The following ZNF420 variants were observed in gnomAD, a reference collection of about 807,000 sequenced individuals.
The protein encoded by ZNF420 is zinc finger protein 420.
Under a neutral mutation model 44.7 loss-of-function variants are expected in ZNF420, and 31 were observed. The observed-to-expected ratio is 0.69, with a 90% CI of 0.52 to 0.94. The LOEUF (loss-of-function observed/expected upper bound fraction) is 0.94, where lower values mean the gene tolerates loss of function less well. Among genes scored for constraint, ZNF420 ranks in the 40% least tolerant of loss-of-function variants. The probability of loss-of-function intolerance (pLI) is 0.00; values close to 1 mark genes in which losing one functional copy is unlikely to be tolerated. For missense variants in ZNF420, 681 were observed against 827.9 expected (o/e 0.82, Z 2.18); for synonymous variants, 245 against 267.4 (o/e 0.92, Z 0.82).
At chr19:37,096,276 CT>C (rs1969449678) in intron 4 of ZNF420, among the ~76,000 whole-genome samples, 2 of 150,786 alleles carry the variant, frequency 1.3e-5, no homozygotes, top group African/African-American at 4.9e-5. Context: ...TTATCTTATA[CT>C]TTCATATATT....
chr19:37,015,754 C>G (rs984563387), intron 1 of ZNF420, among the ~76,000 whole-genome samples: 15 of 152,162 alleles, frequency 9.9e-5, no homozygotes, highest in Admixed American at 1.3e-4. Context: ...TGGCCTGGTG[C>G]TGGTGGAAGA....
intron 4 of ZNF420, among the ~76,000 whole-genome samples, chr19:37,124,550 C>T (rs985848069): frequency 6.6e-6 from 1 of 152,208 alleles, no homozygotes; most frequent in Middle Eastern, 3.2e-3. Context: ...CAGTGTTTTG[C>T]ACTCTCAGCA....
At chr19:37,013,453 C>G (rs977094180) in intron 1 of ZNF420, among the ~76,000 whole-genome samples, 1 of 152,168 alleles carries the variant, frequency 6.6e-6, no homozygotes, top group African/African-American at 2.4e-5. Flanking sequence ...TTTTGCCTGA[C>G]CTCTCAACGT....
intron 4 of ZNF420, among the ~76,000 whole-genome samples, chr19:37,122,831 G>A (rs1268348675): frequency 6.6e-6 from 1 of 151,984 alleles, no homozygotes; most frequent in Non-Finnish European, 1.5e-5. Flanking sequence ...ATCAAATCTT[G>A]TAGCTTTAAA....
At position 37,127,128 on chromosome 19, in the gene ZNF420, A is replaced by T; in HGVS notation, c.137A>T (p.Asp46Val). 1 of 1,460,444 alleles carries T rather than the reference A, an allele frequency of 6.8e-7. No individual in the cohort carries two copies. Among genetic ancestry groups the T allele is most frequent in the Non-Finnish European group, 9.1e-7 (1 of 1,104,186 alleles). 90.5% of individuals were successfully genotyped at this position (1,460,444 alleles called of 1,614,324 possible). Reference sequence around the variant, plus strand: ...TTTTTTATTCTCTCTTATCTTTCAGACTTGCCTTCAAGGTGTGCAAGTAAG... The same window carrying T: ...TTTTTTATTCTCTCTTATCTTTCAGTCTTGCCTTCAAGGTGTGCAAGTAAG... ...LENYSNLVSL[D>V]LPSRCASKDL... Residue 46 changes from aspartate (D) to valine (V), a missense_variant and splice_region_variant, in exon 5 of 5, where the codon GAC becomes GTC. This residue lies in a region of ZNF420 where 350 missense variants were observed against 382.5 expected (regional missense o/e 0.92). Coordinates refer to ENST00000337995, the MANE Select transcript of ZNF420 (RefSeq NM_144689.5).
intron 1 of ZNF420, among the ~76,000 whole-genome samples, chr19:37,047,875 A>G (rs1271340181): frequency 6.6e-6 from 1 of 152,144 alleles, no homozygotes; most frequent in Non-Finnish European, 1.5e-5. Flanking sequence ...TGTGGGATTG[A>G]TTTTTAATGT....
chr19:37,038,744 G>A (rs2146407015), intron 1 of ZNF420, among the ~76,000 whole-genome samples: 1 of 152,164 alleles, frequency 6.6e-6, no homozygotes, highest in Middle Eastern at 3.4e-3. Flanking sequence ...TCTGAGCTTG[G>A]GAGTTCGAGA....
At chr19:37,079,537 A>G (rs755755441) in intron 1 of ZNF420, among the ~76,000 whole-genome samples, 4 of 152,106 alleles carry the variant, frequency 2.6e-5, no homozygotes, top group Non-Finnish European at 5.9e-5. Flanking sequence ...TGGGAAATGT[A>G]GTTACTTACG....
rs1481178027 is a variant in ZNF420, at chr19:37,107,698, AAC to A, written c.136+16579_136+16580del. On this transcript the variant is annotated intron_variant, in intron 4 of 4. Transcript: ENST00000337995. The stretch of plus-strand genomic sequence containing the variant: ...GAGCTGTTGGGTACACCTGCAGACT[AAC>A]AACAGACAGAACAGGCACACAAGGA... 4.6e-5 allele frequency: 7 copies of A among 152,450 alleles called. No homozygotes were observed. In the East Asian group the frequency reaches 9.7e-4, roughly 21 times the overall value. The allele number at this position is 152,450 out of a possible 1,614,324, so 9.4% of individuals were successfully genotyped here.
intron 1 of ZNF420, among the ~76,000 whole-genome samples, chr19:37,058,697 CCG>C (rs1967804559): frequency 6.6e-6 from 1 of 152,034 alleles, no homozygotes; most frequent in Non-Finnish European, 1.5e-5. Context: ...CTGTGTCCCC[CCG>C]CATCCACCGG....
At chr19:37,126,988 AG>A (rs750653370) in intron 4 of ZNF420, 139 bp from the exon 5 acceptor site, 2 of 443,262 alleles carry the variant, frequency 4.5e-6, no homozygotes, top group Non-Finnish European at 3.6e-6. Flanking sequence ...TGTGAAAGGT[AG>A]GTATTATATG....
At chr19:37,083,101 C>T (rs1048782724) in intron 2 of ZNF420, among the ~76,000 whole-genome samples, 9 of 151,668 alleles carry the variant, frequency 5.9e-5, no homozygotes, top group South Asian at 4.2e-4. Context: ...CCTTGTGATC[C>T]GCCCACCTCT....
intron 1 of ZNF420, among the ~76,000 whole-genome samples, chr19:37,059,822 C>CTGTGTG (rs987396212): frequency 6.6e-6 from 1 of 151,720 alleles, no homozygotes; most frequent in Non-Finnish European, 1.5e-5. Flanking sequence ...CACTCTATCT[C>CTGTGTG]TGTGTGTGTG....
At chr19:37,031,764 G>A (rs774176376) in intron 1 of ZNF420, among the ~76,000 whole-genome samples, 8 of 152,058 alleles carry the variant, frequency 5.3e-5, no homozygotes, top group Non-Finnish European at 1.0e-4. Context: ...GCTTTATTAT[G>A]TATTTTTTAT....
At chr19:37,071,483 A>C (rs1179667726) in intron 1 of ZNF420, among the ~76,000 whole-genome samples, 1 of 152,184 alleles carries the variant, frequency 6.6e-6, no homozygotes, top group Non-Finnish European at 1.5e-5. Flanking sequence ...ATAGATGTCT[A>C]GGAGTCTTCA....
intron 1 of ZNF420, among the ~76,000 whole-genome samples, chr19:37,055,987 G>A (rs1254597914): frequency 3.3e-5 from 5 of 152,138 alleles, no homozygotes; most frequent in African/African-American, 7.2e-5. Context: ...GCAGAACCCC[G>A]CAGCCTCAGG....
chr19:37,060,314 G>T (rs754744491), intron 1 of ZNF420, among the ~76,000 whole-genome samples: 2 of 152,138 alleles, frequency 1.3e-5, no homozygotes, highest in African/African-American at 2.4e-5. Context: ...CAATCTTAAA[G>T]AAGAAGCTGG....
At chr19:37,100,273 T>TG (rs1286899333) in intron 4 of ZNF420, among the ~76,000 whole-genome samples, 2 of 150,276 alleles carry the variant, frequency 1.3e-5, no homozygotes, top group African/African-American at 4.9e-5. Flanking sequence ...AATACTTGGA[T>TG]TTTTTTTTTC....
chr19:37,086,108 G>A (rs1000109660), intron 2 of ZNF420, among the ~76,000 whole-genome samples: 2 of 151,834 alleles, frequency 1.3e-5, no homozygotes, highest in African/African-American at 4.8e-5. Context: ...GCCCAGCCAG[G>A]CCTCACTACT....
Sources: allele counts gnomAD v4.1 joint callset (sites outside exome capture counted in the v4.1 genomes callset), GRCh38; gene constraint gnomAD v4.1.1; regional missense constraint gnomAD v4.1.1; transcripts MANE v1.5; gene names NCBI Gene and HGNC (gene_info 2026-07-23, HGNC 2026-07-21).